Variants in PAPPA2 observed in about 807,000 individuals in gnomAD.
The protein encoded by PAPPA2 is pappalysin 2, also known as pappalysin-2.
PAPPA2 carries 86 observed loss-of-function variants against 176.4 expected under a neutral mutation model. That is an observed-to-expected ratio of 0.49 (90% CI 0.41 to 0.58). PAPPA2 has a LOEUF of 0.58. Ranked by LOEUF, PAPPA2 falls within the 20% of genes least tolerant of loss-of-function variation. PAPPA2 has a pLI of 0.00. For synonymous variants in PAPPA2, 809 were observed against 852.2 expected (o/e 0.95, Z 0.88); for missense variants, 2,073 against 2,256.9 (o/e 0.92, Z 1.65).
At chr1:176,612,386 C>G (rs1480218275) in intron 3 of PAPPA2, among the ~76,000 whole-genome samples, 1 of 151,618 alleles carries the variant, frequency 6.6e-6, no homozygotes, top group Admixed American at 6.6e-5. Flanking sequence ...GGAGCGAGAC[C>G]CTGTCTCAAA....
intron 1 of PAPPA2, among the ~76,000 whole-genome samples, chr1:176,473,573 G>A (rs913239658): frequency 6.6e-6 from 1 of 152,186 alleles, no homozygotes; most frequent in Non-Finnish European, 1.5e-5. Context: ...GGATTGTATG[G>A]TAAGGGTATG....
Position 176,699,287 on chromosome 1 carries a change from G to A in PAPPA2, c.2934G>A (p.Ser978=), listed in dbSNP as rs746058900. Residue 978 remains serine, a synonymous_variant, in exon 8 of 23, where the codon TCG becomes TCA. Transcript: ENST00000367662. ...LWVTSFFMES[S]QVLFDTEILL... Reference sequence around the variant, plus strand: ...TCACTTCCTTCTTCATGGAGTCCTCGCAGGTCCTCTTTGACACAGAGATCT... The same window carrying A: ...TCACTTCCTTCTTCATGGAGTCCTCACAGGTCCTCTTTGACACAGAGATCT... 1.2e-5 allele frequency: 20 copies of A among 1,614,000 alleles called. No individual in the cohort carries two copies. The highest frequency in any genetic ancestry group is 1.2e-4 in the Admixed American group (7 of 59,992).
chr1:176,724,089 C>T (rs1048349401), intron 12 of PAPPA2, among the ~76,000 whole-genome samples: 1 of 152,198 alleles, frequency 6.6e-6, no homozygotes, highest in African/African-American at 2.4e-5. Context: ...TTGCCTCCTT[C>T]AATTAGCATT....
intron 21 of PAPPA2, among the ~76,000 whole-genome samples, chr1:176,839,311 T>A (rs954639695): frequency 2.0e-5 from 3 of 152,240 alleles, no homozygotes; most frequent in African/African-American, 7.2e-5. Flanking sequence ...GCTGCTGAGC[T>A]ATTTTTTAAC....
intron 3 of PAPPA2, among the ~76,000 whole-genome samples, chr1:176,607,512 C>A (rs1275129978): frequency 2.0e-5 from 3 of 152,196 alleles, no homozygotes; most frequent in Non-Finnish European, 4.4e-5. Context: ...CCTTCAGTTT[C>A]ATTCATGTTG....
At chr1:176,805,103 CTTTTTTCT>C (rs1418877733) in intron 21 of PAPPA2, among the ~76,000 whole-genome samples, 6 of 149,778 alleles carry the variant, frequency 4.0e-5, no homozygotes, top group African/African-American at 9.8e-5. Context: ...TTTATTTTTC[CTTTTTTCT>C]TTTTTTCTCT....
At chr1:176,664,910 C>A (rs1467088262) in intron 3 of PAPPA2, among the ~76,000 whole-genome samples, 1 of 152,134 alleles carries the variant, frequency 6.6e-6, no homozygotes. Flanking sequence ...GTGTGGCCTT[C>A]AGAAGGGAAA....
intron 4 of PAPPA2, among the ~76,000 whole-genome samples, chr1:176,676,768 A>C (rs1659320932): frequency 6.6e-6 from 1 of 152,000 alleles, no homozygotes; most frequent in Admixed American, 6.6e-5. Flanking sequence ...GCATGTAAAA[A>C]CTGGTGAAAT....
At chr1:176,752,455 A>G (rs1663230382) in intron 14 of PAPPA2, among the ~76,000 whole-genome samples, 1 of 152,054 alleles carries the variant, frequency 6.6e-6, no homozygotes, top group Non-Finnish European at 1.5e-5. Flanking sequence ...ATATACATAT[A>G]ATTAACATAC....
chr1:176,532,974 G>A (rs1235053073), intron 1 of PAPPA2, among the ~76,000 whole-genome samples: 1 of 152,186 alleles, frequency 6.6e-6, no homozygotes, highest in East Asian at 1.9e-4. Flanking sequence ...GGTTCACAGT[G>A]AGGCACATCA....
chr1:176,624,975 G>C (rs2102699577), intron 3 of PAPPA2, among the ~76,000 whole-genome samples: 1 of 152,298 alleles, frequency 6.6e-6, no homozygotes, highest in East Asian at 1.9e-4. Context: ...AAGGGGCACT[G>C]AGCCTTCCGG....
chr1:176,571,783 C>T (rs1652350365), intron 2 of PAPPA2, among the ~76,000 whole-genome samples: 1 of 152,200 alleles, frequency 6.6e-6, no homozygotes, highest in African/African-American at 2.4e-5. Context: ...TTTAGTTATT[C>T]TGCTTCTTAG....
At chr1:176,782,921 C>A (rs187132440) in intron 17 of PAPPA2, among the ~76,000 whole-genome samples, 1 of 152,182 alleles carries the variant, frequency 6.6e-6, no homozygotes, top group East Asian at 1.9e-4. Context: ...AGTATAGAGA[C>A]AATTTTCAGA....
intron 3 of PAPPA2, among the ~76,000 whole-genome samples, chr1:176,650,755 C>T (rs1424622934): frequency 2.1e-5 from 3 of 140,226 alleles, no homozygotes; most frequent in Non-Finnish European, 4.7e-5. Context: ...TGCTTGTTTT[C>T]TGGTTGCTTC....
chr1:176,646,419 G>A (rs901746696), intron 3 of PAPPA2, among the ~76,000 whole-genome samples: 4 of 150,718 alleles, frequency 2.7e-5, no homozygotes, highest in African/African-American at 9.7e-5. Context: ...CAAACATCTA[G>A]TTATACTCTT....
chr1:176,795,347 TG>T (rs1423075581), intron 20 of PAPPA2, among the ~76,000 whole-genome samples: 1 of 152,062 alleles, frequency 6.6e-6, no homozygotes, highest in Non-Finnish European at 1.5e-5. Context: ...CAGGAGGAGG[TG>T]GCTGCAGGAA....
At chr1:176,841,632 T>C (rs1257475383) in intron 22 of PAPPA2, among the ~76,000 whole-genome samples, 9 of 152,180 alleles carry the variant, frequency 5.9e-5, no homozygotes. Flanking sequence ...GTAGCATTTA[T>C]CTGTTTGTAG....
At chr1:176,839,503 T>C (rs1667400251) in intron 21 of PAPPA2, among the ~76,000 whole-genome samples, 1 of 152,144 alleles carries the variant, frequency 6.6e-6, no homozygotes. Flanking sequence ...ATGAGTTGGC[T>C]GTACCTGTGG....
At chr1:176,717,777 C>T (rs1661444053) in intron 12 of PAPPA2, among the ~76,000 whole-genome samples, 1 of 152,214 alleles carries the variant, frequency 6.6e-6, no homozygotes, top group Non-Finnish European at 1.5e-5. Context: ...TATTAACTCA[C>T]ATTAAACATT....
Sources: gnomAD v4.1 joint callset for allele counts (sites outside exome capture counted in the v4.1 genomes callset) on GRCh38, gnomAD v4.1.1 for gene constraint, MANE v1.5 for transcripts, NCBI Gene and HGNC (gene_info 2026-07-23, HGNC 2026-07-21) for gene names.